SNTG2: variants seen among roughly 807,000 people sequenced by gnomAD.
SNTG2 encodes gamma-2-syntrophin.
SNTG2 carries 74 observed loss-of-function variants against 70.9 expected under a neutral mutation model. The observed-to-expected ratio is 1.04, with a 90% CI of 0.86 to 1.27. The LOEUF is 1.27. Ranked by LOEUF, SNTG2 falls within the 50% of genes most tolerant of loss-of-function variation. The pLI, the probability that SNTG2 is intolerant of heterozygous loss-of-function variation, is 0.00. For synonymous variants in SNTG2, 278 were observed against 273.8 expected, an observed-to-expected ratio of 1.02 and a Z score of -0.15; for missense variants, 717 against 690.7, an observed-to-expected ratio of 1.04 and a Z score of -0.43.
intron 1 of SNTG2, among the ~76,000 whole-genome samples, chr2:1,030,344 A>G (rs1371103599): frequency 2.6e-5 from 4 of 152,148 alleles, no homozygotes; most frequent in African/African-American, 9.7e-5. Flanking sequence ...TCCCTGGGCC[A>G]CATGATCTTA....
intron 6 of SNTG2, among the ~76,000 whole-genome samples, chr2:1,151,992 A>AATT (rs10699890): frequency 0.82 from 124,803 of 152,046 alleles, 52,826 homozygotes; most frequent in Non-Finnish European, 0.94. Context: ...TCTAGAGAAC[A>AATT]ATTCAAATAT....
intron 6 of SNTG2, chr2:1,161,134 G>A (rs2147843576): frequency 1.3e-5 from 2 of 152,542 alleles, no homozygotes; most frequent in Middle Eastern, 6.8e-3. Flanking sequence ...TGGAAATGGG[G>A]AGAGGCCAGG....
intron 4 of SNTG2, among the ~76,000 whole-genome samples, chr2:1,110,555 C>T (rs1013406948): frequency 6.6e-6 from 1 of 152,130 alleles, no homozygotes; most frequent in Non-Finnish European, 1.5e-5. Context: ...CTTCACATGG[C>T]ATAGAGAAAC....
At chr2:1,245,996 C>T (rs1487919059) in intron 11 of SNTG2, among the ~76,000 whole-genome samples, 1 of 152,164 alleles carries the variant, frequency 6.6e-6, no homozygotes, top group Non-Finnish European at 1.5e-5. Flanking sequence ...TCCTGTGTTA[C>T]TGCAACATTA....
At chr2:1,294,328 C>T (rs969096337) in intron 14 of SNTG2, among the ~76,000 whole-genome samples, 1 of 152,188 alleles carries the variant, frequency 6.6e-6, no homozygotes, top group Admixed American at 6.5e-5. Context: ...CCTGGCCATG[C>T]CCCTCCCATG....
chr2:1,222,165 T>TC (rs1675267607), intron 9 of SNTG2, among the ~76,000 whole-genome samples: 1 of 80,180 alleles, frequency 1.2e-5, no homozygotes, highest in Admixed American at 1.6e-4. Context: ...ATCTCTGTCT[T>TC]TGTCTCTCTT....
At chr2:1,279,785 A>G (rs1679440445) in intron 14 of SNTG2, among the ~76,000 whole-genome samples, 1 of 152,218 alleles carries the variant, frequency 6.6e-6, no homozygotes, top group Admixed American at 6.5e-5. Flanking sequence ...ATTTCTGGGC[A>G]TTGCAGTTAA....
chr2:1,067,307 C>T (rs1663223792), intron 1 of SNTG2, among the ~76,000 whole-genome samples: 1 of 151,998 alleles, frequency 6.6e-6, no homozygotes, highest in South Asian at 2.1e-4. Flanking sequence ...TTTATAACAT[C>T]ACCGGTTTAT....
At chr2:1,208,351 T>G (rs903701299) in intron 8 of SNTG2, among the ~76,000 whole-genome samples, 3 of 133,326 alleles carry the variant, frequency 2.3e-5, no homozygotes, top group Non-Finnish European at 4.8e-5. Context: ...TGAGGCGCGT[T>G]CTTGCCGGTC....
intron 4 of SNTG2, among the ~76,000 whole-genome samples, chr2:1,131,986 G>A (rs1668049194): frequency 1.3e-5 from 2 of 152,098 alleles, no homozygotes; most frequent in Non-Finnish European, 2.9e-5. Flanking sequence ...CACCTAATGT[G>A]AAAATGTTTC....
At position 1,327,107 on chromosome 2, in the gene SNTG2, A is replaced by G. The variant is rs536300840; in HGVS notation, c.1488+10732A>G. Among the ~76,000 whole-genome samples, 132 of 152,166 alleles carry G rather than the reference A, an allele frequency of 8.7e-4. 2 individuals carry two copies. In the Middle Eastern group the frequency reaches 0.024, roughly 28 times the overall value. ...TTATCTCCAGTTTTTGTTGCTGGAA[A>G]TTAGTTAGAATTTTAACTCTTAGTA... On this transcript the variant is annotated intron_variant, in intron 16 of 16. Coordinates refer to ENST00000308624, the MANE Select transcript of SNTG2 (RefSeq NM_018968.4).
chr2:1,244,695 CAAAAAA>C (rs558051455), intron 11 of SNTG2, among the ~76,000 whole-genome samples: 5 of 88,622 alleles, frequency 5.6e-5, no homozygotes, highest in East Asian at 3.1e-4. Context: ...GACTCCATCT[CAAAAAA>C]AAAAAAAAAA....
intron 1 of SNTG2, among the ~76,000 whole-genome samples, chr2:1,025,858 T>C (rs2148021559): frequency 6.6e-6 from 1 of 152,334 alleles, no homozygotes; most frequent in East Asian, 1.9e-4. Flanking sequence ...TTGCCTAACA[T>C]AGACAGCATC....
intron 16 of SNTG2, among the ~76,000 whole-genome samples, chr2:1,365,212 C>A (rs1319215443): frequency 1.3e-5 from 2 of 152,128 alleles, no homozygotes; most frequent in Non-Finnish European, 2.9e-5. Context: ...GCTGGGCAGG[C>A]CCTGGGTTCC....
rs770082849 is a variant in SNTG2, at chr2:1,251,422, GCACACAC to G, written c.1005+3994_1005+4000del. On this transcript the variant is annotated intron_variant, in intron 12 of 16. Transcript: ENST00000308624. Reference sequence around the variant, plus strand: ...GAAGCTCACATAGACCCACACACATGCACACACCACACACCACACACACCACACACTA... The same window carrying G: ...GAAGCTCACATAGACCCACACACATGCACACACCACACACACCACACACTA... Among the ~76,000 whole-genome samples the G allele has an allele frequency of 6.3e-3, 938 of 149,896 alleles. 8 individuals carry two copies. The highest frequency in any genetic ancestry group is 0.011 in the Non-Finnish European group (710 of 67,118).
At position 1,281,240 on chromosome 2, in the gene SNTG2, T is replaced by TGTGTGGTGTGTGTGTTTGTGTG. The variant is rs1679507677; in HGVS notation, c.1284+13684_1284+13685insTTGTGTGGTGTGGTGTGTGTGT. On this transcript the variant is annotated intron_variant, in intron 14 of 16. Coordinates refer to ENST00000308624, the MANE Select transcript of SNTG2 (RefSeq NM_018968.4). ...GTGTGTTTGTGTTTATGTGGTGTGG[T>TGTGTGGTGTGTGTGTTTGTGTG]GTGTGGTGTGTGTGTGGTGGTATGT... Among the ~76,000 whole-genome samples, 2 of 12,580 alleles carry TGTGTGGTGTGTGTGTTTGTGTG rather than the reference T, an allele frequency of 1.6e-4. 1 individual carries two copies. Among genetic ancestry groups the TGTGTGGTGTGTGTGTTTGTGTG allele is most frequent in the Non-Finnish European group, 4.2e-4 (2 of 4,808 alleles). The allele number at this position is 12,580 out of a possible 152,430, so 8.3% of individuals were successfully genotyped here. A position where few individuals can be genotyped will look rare whatever the true frequency, so the allele number is the denominator to read the frequency against.
rs551765527 is a variant in SNTG2, at chr2:981,970, A to G, written c.72+30902A>G. Among the ~76,000 whole-genome samples, 15 of 152,320 alleles carry G rather than the reference A, an allele frequency of 9.8e-5. No homozygotes were observed. In the South Asian group the frequency reaches 3.1e-3, roughly 32 times the overall value. Reference sequence around the variant, plus strand: ...CACATGTCCACACAGATGTACACAGATGCACACTCACATGCACTTGTGCAC... The same window carrying G: ...CACATGTCCACACAGATGTACACAGGTGCACACTCACATGCACTTGTGCAC... On this transcript the variant is annotated intron_variant, in intron 1 of 16. Transcript: ENST00000308624.
chr2:1,367,320 C>T, intron 16 of SNTG2, 23 bp from the exon 17 acceptor site: 2 of 1,520,560 alleles, frequency 1.3e-6, no homozygotes, highest in East Asian at 2.5e-5. Flanking sequence ...ATAATAAACA[C>T]TTGATCTGAT....
chr2:1,262,872 A>T (rs1406605065), intron 13 of SNTG2: 2 of 152,304 alleles, frequency 1.3e-5, no homozygotes, highest in African/African-American at 4.8e-5. Context: ...CCGCTGACTG[A>T]CTGTTGACGG....
Sources: gnomAD v4.1 joint callset for allele counts (sites outside exome capture counted in the v4.1 genomes callset) on GRCh38, gnomAD v4.1.1 for gene constraint, MANE v1.5 for transcripts, NCBI Gene and HGNC (gene_info 2026-07-23, HGNC 2026-07-21) for gene names.